The following ECT2L variants were observed in gnomAD, a reference collection of about 807,000 sequenced individuals.
ECT2L encodes the protein epithelial cell-transforming sequence 2 oncogene-like.
ECT2L carries 126 observed loss-of-function variants against 122.8 expected under a neutral mutation model. That is an observed-to-expected ratio of 1.03 (90% CI 0.89 to 1.19). The LOEUF (loss-of-function observed/expected upper bound fraction) is 1.19. Among genes scored for constraint, ECT2L ranks in the 50% most tolerant of loss-of-function variants. The pLI, the probability that ECT2L is intolerant of heterozygous loss-of-function variation, is 0.00. For missense variants in ECT2L, 1,012 were observed against 1,064.1 expected, an observed-to-expected ratio of 0.95 and a Z score of 0.68; for synonymous variants, 385 against 381.8, an observed-to-expected ratio of 1.01 and a Z score of -0.10.
At chr6:138,859,434 T>C (rs1389318050) in intron 10 of ECT2L, among the ~76,000 whole-genome samples, 2 of 152,248 alleles carry the variant, frequency 1.3e-5, no homozygotes, top group African/African-American at 4.8e-5. Flanking sequence ...TAGACGTATG[T>C]TTAACTTTAT....
intron 15 of ECT2L, 88 bp downstream of exon 15, chr6:138,881,259 C>A: frequency 1.5e-6 from 2 of 1,300,528 alleles, no homozygotes; most frequent in South Asian, 1.3e-5. Flanking sequence ...TATGGAGGTG[C>A]AATGATGCTC....
intron 4 of ECT2L, chr6:138,823,413 A>G: frequency 6.2e-7 from 1 of 1,609,094 alleles, no homozygotes; most frequent in Middle Eastern, 1.7e-4. Context: ...CTACTTTATC[A>G]CGGCAAGGAC....
chr6:138,843,351 G>C, intron 6 of ECT2L, 120 bp downstream of exon 6: 1 of 1,009,156 alleles, frequency 9.9e-7, no homozygotes, highest in East Asian at 2.6e-5. Context: ...GCAGTCTTAA[G>C]TATTTTCCAG....
At chr6:138,804,811 AGTG>A (rs1350332666) in intron 1 of ECT2L, among the ~76,000 whole-genome samples, 1 of 152,190 alleles carries the variant, frequency 6.6e-6, no homozygotes, top group African/African-American at 2.4e-5. Flanking sequence ...CCAGGTACTT[AGTG>A]GTACTTGATG....
intron 10 of ECT2L, among the ~76,000 whole-genome samples, chr6:138,860,206 C>T (rs1429895191): frequency 2.0e-5 from 3 of 152,066 alleles, no homozygotes; most frequent in Non-Finnish European, 2.9e-5. Context: ...TATCTAAAAA[C>T]GATTTACCTA....
At chr6:138,857,961 G>A (rs188144465) in intron 10 of ECT2L, among the ~76,000 whole-genome samples, 1 of 152,262 alleles carries the variant, frequency 6.6e-6, no homozygotes, top group African/African-American at 2.4e-5. Flanking sequence ...GGAAGAATGA[G>A]AACTGAGGAA....
At chr6:138,838,882 A>G (rs747285015) in intron 5 of ECT2L, among the ~76,000 whole-genome samples, 1 of 152,160 alleles carries the variant, frequency 6.6e-6, no homozygotes, top group Non-Finnish European at 1.5e-5. Context: ...CCTGGGTTCA[A>G]GTGACTCTCC....
chr6:138,837,513 G>A (rs1776881415), intron 4 of ECT2L, among the ~76,000 whole-genome samples: 1 of 152,038 alleles, frequency 6.6e-6, no homozygotes, highest in Non-Finnish European at 1.5e-5. Context: ...GGCCAGCTTT[G>A]TGTCAAAAGA....
intron 1 of ECT2L, among the ~76,000 whole-genome samples, chr6:138,796,652 A>G (rs1282333965): frequency 6.6e-6 from 1 of 152,202 alleles, no homozygotes; most frequent in Non-Finnish European, 1.5e-5. Context: ...TACTGTGAAT[A>G]TAGGTCTTGG....
chr6:138,862,549 G>A (rs761924979), intron 10 of ECT2L, 78 bp from the exon 11 acceptor site: 114 of 1,373,366 alleles, frequency 8.3e-5, no homozygotes, highest in Non-Finnish European at 1.1e-4. Flanking sequence ...AGATTTGGAG[G>A]GAACAAATAT....
intron 20 of ECT2L, among the ~76,000 whole-genome samples, chr6:138,891,678 G>GC (rs2128411827): frequency 6.6e-6 from 1 of 152,276 alleles, no homozygotes; most frequent in South Asian, 2.1e-4. Context: ...ATTGATGTTT[G>GC]CCTGTAACTT....
At chr6:138,820,353 G>A (rs1256026614) in intron 4 of ECT2L, among the ~76,000 whole-genome samples, 1 of 152,218 alleles carries the variant, frequency 6.6e-6, no homozygotes, top group Non-Finnish European at 1.5e-5. Context: ...CCTGCTAGCT[G>A]TGGTGACTGT....
chr6:138,882,529 G>A (rs185018727), intron 15 of ECT2L, among the ~76,000 whole-genome samples, 195 bp from the exon 16 acceptor site: 5 of 152,266 alleles, frequency 3.3e-5, no homozygotes, highest in Non-Finnish European at 4.4e-5. Context: ...ATTCCACCCC[G>A]GCCAACCTAC....
chr6:138,859,200 TC>T (rs1777733252), intron 10 of ECT2L, among the ~76,000 whole-genome samples: 2 of 152,194 alleles, frequency 1.3e-5, no homozygotes, highest in Non-Finnish European at 2.9e-5. Flanking sequence ...CTTCATTCAA[TC>T]ATTATTTTAG....
At chr6:138,852,306 C>T (rs1777476594) in intron 9 of ECT2L, among the ~76,000 whole-genome samples, 1 of 151,720 alleles carries the variant, frequency 6.6e-6, no homozygotes, top group Non-Finnish European at 1.5e-5. Flanking sequence ...CCCTCTGCCC[C>T]TCAAAACAAA....
At chr6:138,887,069 A>T in intron 19 of ECT2L, 147 bp downstream of exon 19, 2 of 692,166 alleles carry the variant, frequency 2.9e-6, no homozygotes, top group Non-Finnish European at 5.1e-6. Context: ...CCCATTTCAC[A>T]TCCTTGTTAC....
chr6:138,894,279 T>A (rs1779137296), intron 20 of ECT2L, among the ~76,000 whole-genome samples: 1 of 152,022 alleles, frequency 6.6e-6, no homozygotes, highest in African/African-American at 2.4e-5. Flanking sequence ...ATGGTCTCAA[T>A]CTCTTGACCT....
At position 138,849,266 on chromosome 6, in the gene ECT2L, C is replaced by T. The variant is rs191778204; in HGVS notation, c.904-3C>T. ...CTCTTACAGCTTTGGTTTCATTCTCCAGATGGTGATGGAGAGTGTGAAGGC... is the reference window on the plus strand; with the variant it reads ...CTCTTACAGCTTTGGTTTCATTCTCTAGATGGTGATGGAGAGTGTGAAGGC... On this transcript the variant is annotated splice_region_variant and splice_polypyrimidine_tract_variant and intron_variant, in intron 8 of 21. Coordinates refer to ENST00000541398, the MANE Select transcript of ECT2L (RefSeq NM_001077706.3). 1.5e-3 allele frequency: 2,380 copies of T among 1,599,914 alleles called. 2 individuals carry two copies. Among genetic ancestry groups the T allele is most frequent in the Non-Finnish European group, 1.7e-3 (2,040 of 1,173,986 alleles).
At chr6:138,890,541 A>T (rs1778989118) in intron 20 of ECT2L, among the ~76,000 whole-genome samples, 1 of 132,852 alleles carries the variant, frequency 7.5e-6, no homozygotes, top group African/African-American at 2.9e-5. Flanking sequence ...AATAGAAAAC[A>T]GCTACAATGA....
Sources: allele counts gnomAD v4.1 joint callset (sites outside exome capture counted in the v4.1 genomes callset), GRCh38; gene constraint gnomAD v4.1.1; transcripts MANE v1.5; gene names NCBI Gene and HGNC (gene_info 2026-07-23, HGNC 2026-07-21).